Variants in MAP2 observed in about 807,000 individuals in gnomAD.
MAP2 encodes microtubule-associated protein 2.
MAP2 carries 14 observed loss-of-function variants against 137.6 expected under a neutral mutation model. That is an observed-to-expected ratio of 0.10 (90% confidence interval 0.07 to 0.16). The LOEUF is 0.16. MAP2 is among the 10% of genes least tolerant of loss of function. The pLI, the probability that MAP2 is intolerant of heterozygous loss-of-function variation, is 1.00. For missense variants in MAP2, 2,088 were observed against 2,191.5 expected (o/e 0.95, Z 0.94); for synonymous variants, 786 against 782.3 (o/e 1.00, Z -0.08).
intron 11 of MAP2, chr2:209,704,316 G>T: frequency 1.4e-6 from 1 of 704,732 alleles, no homozygotes; most frequent in Non-Finnish European, 2.3e-6. Context: ...CTCTATCATT[G>T]ATTATAACCA....
At chr2:209,590,246 C>A (rs1360920400) in intron 3 of MAP2, among the ~76,000 whole-genome samples, 2 of 152,136 alleles carry the variant, frequency 1.3e-5, no homozygotes, top group Admixed American at 1.3e-4. Flanking sequence ...TTATTTTTTT[C>A]CCCCTTTAGT....
intron 1 of MAP2, among the ~76,000 whole-genome samples, chr2:209,479,655 G>A (rs766843551): frequency 6.6e-5 from 10 of 152,062 alleles, no homozygotes; most frequent in African/African-American, 1.2e-4. Context: ...CAGAGATTCT[G>A]TAATTAAATG....
At chr2:209,509,957 C>A (rs35553764) in intron 2 of MAP2, among the ~76,000 whole-genome samples, 1 of 150,652 alleles carries the variant, frequency 6.6e-6, no homozygotes, top group Non-Finnish European at 1.5e-5. Context: ...TAATGAATAG[C>A]ATCTTAGATT....
At chr2:209,637,711 A>G (rs2093681415) in intron 4 of MAP2, among the ~76,000 whole-genome samples, 1 of 152,080 alleles carries the variant, frequency 6.6e-6, no homozygotes. Flanking sequence ...ATCCTTTGTT[A>G]TTGTGATGGT....
chr2:209,723,467 A>G, intron 13 of MAP2: 1 of 644,894 alleles, frequency 1.6e-6, no homozygotes, highest in Admixed American at 2.5e-5. Flanking sequence ...CCAGTGTTAG[A>G]TTTTCTCTTA....
intron 1 of MAP2, among the ~76,000 whole-genome samples, chr2:209,464,830 C>T (rs1703735218): frequency 6.6e-6 from 1 of 152,004 alleles, no homozygotes; most frequent in African/African-American, 2.4e-5. Context: ...AAACTGAAAT[C>T]ATCTTGTAAC....
At chr2:209,427,614 G>A (rs573310470) in intron 1 of MAP2, among the ~76,000 whole-genome samples, 1 of 152,166 alleles carries the variant, frequency 6.6e-6, no homozygotes, top group Admixed American at 6.5e-5. Flanking sequence ...TTTCAGTAAT[G>A]TTACTCTCTT....
At position 209,653,237 on chromosome 2, in the gene MAP2, T is replaced by A. The variant is rs1438195861; in HGVS notation, c.67T>A (p.Ser23Thr). The change falls in exon 5 of 16, where the codon TCT becomes ACT. Residue 23 changes from serine to threonine, a missense_variant. By Grantham distance (58) the Ser-to-Thr change is moderately conservative (BLOSUM62 1). Around this residue, in one of 6 missense-constraint regions of MAP2, gnomAD observed 859 missense variants for 794.5 expected, o/e 1.08. Transcript: ENST00000682079. Reference sequence around the variant, plus strand: ...GACCTCAGCACCGCTAACAGAGGCATCTGCACACTCACATCCACCTGAGAT... The same window carrying A: ...GACCTCAGCACCGCTAACAGAGGCAACTGCACACTCACATCCACCTGAGAT... Reference protein sequence around the residue: ...HWTSAPLTEASAHSHPPEIKD... With the variant: ...HWTSAPLTEATAHSHPPEIKD... 1 of 1,613,962 alleles carries A rather than the reference T, an allele frequency of 6.2e-7. No homozygotes were observed. Among genetic ancestry groups the A allele is most frequent in the African/African-American group, 1.3e-5 (1 of 74,932 alleles).
intron 3 of MAP2, among the ~76,000 whole-genome samples, chr2:209,598,562 A>G (rs2082031684): frequency 6.8e-6 from 1 of 147,872 alleles, no homozygotes; most frequent in Non-Finnish European, 1.5e-5. Flanking sequence ...CTCGTCATCT[A>G]GCATTAGGTA....
intron 1 of MAP2, among the ~76,000 whole-genome samples, chr2:209,483,857 G>GTCAGTTTCTA (rs1331698991): frequency 1.6e-4 from 25 of 152,088 alleles, no homozygotes; most frequent in Admixed American, 1.2e-3. Flanking sequence ...GATTAAATGG[G>GTCAGTTTCTA]ACACATGGAG....
intron 4 of MAP2, among the ~76,000 whole-genome samples, chr2:209,649,321 T>C (rs902688259): frequency 2.6e-5 from 4 of 152,116 alleles, no homozygotes; most frequent in Admixed American, 2.0e-4. Context: ...CCAGTCTTTA[T>C]CTTCTTTAAT....
intron 12 of MAP2, among the ~76,000 whole-genome samples, chr2:209,708,071 C>T (rs750815922): frequency 6.6e-6 from 1 of 152,096 alleles, no homozygotes; most frequent in Non-Finnish European, 1.5e-5. Context: ...TGATCCCTCT[C>T]CCCAGAATAT....
At chr2:209,461,228 A>G (rs1702726797) in intron 1 of MAP2, among the ~76,000 whole-genome samples, 1 of 152,224 alleles carries the variant, frequency 6.6e-6, no homozygotes. Context: ...GTGCTCTCCA[A>G]AATGAACTAC....
intron 1 of MAP2, among the ~76,000 whole-genome samples, chr2:209,501,856 T>C (rs2060421770): frequency 6.6e-6 from 1 of 152,028 alleles, no homozygotes; most frequent in African/African-American, 2.4e-5. Context: ...CAAATGAAAG[T>C]GCTCTCCTTA....
At chr2:209,724,852 G>T (rs1351251699) in intron 13 of MAP2, among the ~76,000 whole-genome samples, 2 of 152,148 alleles carry the variant, frequency 1.3e-5, no homozygotes, top group Admixed American at 1.3e-4. Context: ...TTACCTTGAG[G>T]GTATCAGAGG....
At chr2:209,637,921 A>C (rs1581614407) in intron 4 of MAP2, among the ~76,000 whole-genome samples, 1 of 152,108 alleles carries the variant, frequency 6.6e-6, no homozygotes, top group Admixed American at 6.6e-5. Flanking sequence ...CCTAACTTGC[A>C]TATGATGGGT....
intron 2 of MAP2, among the ~76,000 whole-genome samples, chr2:209,559,244 T>C (rs779612588): frequency 3.7e-4 from 57 of 152,008 alleles, no homozygotes; most frequent in Non-Finnish European, 1.9e-4. Context: ...TCCCTCCCTC[T>C]GTTAGAGTAT....
chr2:209,478,465 C>T (rs1707916289), intron 1 of MAP2, among the ~76,000 whole-genome samples: 1 of 152,098 alleles, frequency 6.6e-6, no homozygotes, highest in South Asian at 2.1e-4. Flanking sequence ...TTTACTACTG[C>T]CAAGTTGAAA....
intron 2 of MAP2, among the ~76,000 whole-genome samples, chr2:209,544,335 A>G (rs1419589396): frequency 6.6e-6 from 1 of 152,148 alleles, no homozygotes; most frequent in Non-Finnish European, 1.5e-5. Context: ...GGAATCTTAA[A>G]CATGACAAGA....
Sources: allele counts gnomAD v4.1 joint callset (sites outside exome capture counted in the v4.1 genomes callset), GRCh38; gene constraint gnomAD v4.1.1; regional missense constraint gnomAD v4.1.1; transcripts MANE v1.5; gene names NCBI Gene and HGNC (gene_info 2026-07-23, HGNC 2026-07-21).